RBFOX1: variants seen among roughly 807,000 people sequenced by gnomAD.
The protein encoded by RBFOX1 is RNA binding fox-1 homolog 1.
Under a neutral mutation model 57.7 loss-of-function variants are expected in RBFOX1, and 8 were observed. The observed-to-expected ratio is 0.14, with a 90% CI of 0.08 to 0.25. RBFOX1 has a LOEUF of 0.25. Among genes scored for constraint, RBFOX1 ranks in the 10% least tolerant of loss-of-function variants. RBFOX1 has a pLI of 1.00. For missense variants in RBFOX1, 611 were observed against 548.5 expected (o/e 1.11, Z -1.14); for synonymous variants, 326 against 222.4 (o/e 1.47, Z -4.15).
At chr16:5,655,309 C>A (rs2049389100) in intron 3 of RBFOX1, among the ~76,000 whole-genome samples, 2 of 152,044 alleles carry the variant, frequency 1.3e-5, no homozygotes, top group Non-Finnish European at 2.9e-5. Flanking sequence ...TAGTTTTCAC[C>A]CATTTCATGC....
At chr16:6,859,728 C>G (rs1057226900) in intron 3 of RBFOX1, among the ~76,000 whole-genome samples, 3 of 152,168 alleles carry the variant, frequency 2.0e-5, no homozygotes. Flanking sequence ...AAATGTCTTT[C>G]ACCCTTGATC....
intron 10 of RBFOX1, among the ~76,000 whole-genome samples, chr16:7,610,697 C>T (rs1271329959): frequency 6.6e-6 from 1 of 152,194 alleles, no homozygotes; most frequent in East Asian, 1.9e-4. Context: ...TTTAACACTG[C>T]AGAGCAATTC....
At chr16:6,240,873 A>G (rs1455653503) in intron 1 of RBFOX1, among the ~76,000 whole-genome samples, 1 of 151,946 alleles carries the variant, frequency 6.6e-6, no homozygotes, top group East Asian at 1.9e-4. Flanking sequence ...TTTTCAATTT[A>G]CTTTCTCACC....
At chr16:6,701,618 T>C (rs1437382009) in intron 3 of RBFOX1, among the ~76,000 whole-genome samples, 1 of 152,088 alleles carries the variant, frequency 6.6e-6, no homozygotes, top group African/African-American at 2.4e-5. Flanking sequence ...TGCCAGGCTC[T>C]TTATAAAAAT....
At chr16:5,753,957 A>C (rs1282652354) in intron 3 of RBFOX1, among the ~76,000 whole-genome samples, 2 of 152,018 alleles carry the variant, frequency 1.3e-5, no homozygotes, top group African/African-American at 2.4e-5. Context: ...GGTATTTGGT[A>C]ATTATCTAGC....
chr16:7,670,177 A>T (rs1219685066), intron 13 of RBFOX1, among the ~76,000 whole-genome samples: 13 of 152,100 alleles, frequency 8.5e-5, no homozygotes, highest in Non-Finnish European at 1.6e-4. Context: ...GACTACATGC[A>T]TGCACCACGA....
intron 2 of RBFOX1, among the ~76,000 whole-genome samples, chr16:6,364,094 C>T (rs1424074456): frequency 6.6e-6 from 1 of 152,182 alleles, no homozygotes; most frequent in African/African-American, 2.4e-5. Flanking sequence ...AAAGGTTTAG[C>T]CTACCCCTCT....
At chr16:6,633,334 G>A (rs1331437109) in intron 2 of RBFOX1, among the ~76,000 whole-genome samples, 1 of 152,148 alleles carries the variant, frequency 6.6e-6, no homozygotes, top group Non-Finnish European at 1.5e-5. Flanking sequence ...CTGGAATGCA[G>A]CGGCACGATC....
chr16:5,852,704 C>T (rs1210665087), intron 3 of RBFOX1, among the ~76,000 whole-genome samples: 1 of 152,090 alleles, frequency 6.6e-6, no homozygotes, highest in Non-Finnish European at 1.5e-5. Context: ...GTGGCTCATA[C>T]CCATAATCCC....
intron 5 of RBFOX1, among the ~76,000 whole-genome samples, chr16:7,548,042 G>C (rs2152523083): frequency 6.6e-6 from 1 of 152,326 alleles, no homozygotes; most frequent in African/African-American, 2.4e-5. Context: ...TCTGTAAACA[G>C]AAAATAAGCT....
At chr16:7,119,657 A>G (rs1408780933) in intron 4 of RBFOX1, among the ~76,000 whole-genome samples, 4 of 152,140 alleles carry the variant, frequency 2.6e-5, no homozygotes, top group African/African-American at 9.7e-5. Flanking sequence ...CAAAAAGACA[A>G]AACAATCTTA....
intron 3 of RBFOX1, among the ~76,000 whole-genome samples, chr16:7,003,506 C>G (rs1208915795): frequency 6.6e-6 from 1 of 151,326 alleles, no homozygotes; most frequent in Non-Finnish European, 1.5e-5. Flanking sequence ...GTTTGTGAAG[C>G]CCTGTTAAAT....
At chr16:5,692,366 C>T (rs1314092881) in intron 3 of RBFOX1, among the ~76,000 whole-genome samples, 1 of 152,042 alleles carries the variant, frequency 6.6e-6, no homozygotes, top group African/African-American at 2.4e-5. Context: ...TGGCCAGTAG[C>T]CACCAAGAAA....
intron 4 of RBFOX1, among the ~76,000 whole-genome samples, chr16:7,081,625 C>G (rs1028694995): frequency 1.6e-4 from 25 of 152,132 alleles, no homozygotes; most frequent in Non-Finnish European, 7.4e-5. Flanking sequence ...AATTGATCAT[C>G]TCACTACACC....
chr16:6,890,765 T>A (rs1436028818), intron 3 of RBFOX1, among the ~76,000 whole-genome samples: 1 of 152,208 alleles, frequency 6.6e-6, no homozygotes, highest in Non-Finnish European at 1.5e-5. Context: ...CCTTCTGATT[T>A]AAGCTTTTTT....
intron 3 of RBFOX1, among the ~76,000 whole-genome samples, chr16:6,963,359 G>A (rs1279488892): frequency 2.0e-5 from 3 of 151,842 alleles, no homozygotes. Context: ...GAATGAAATC[G>A]AACCTCTATT....
intron 3 of RBFOX1, among the ~76,000 whole-genome samples, chr16:5,767,684 G>C (rs1394361331): frequency 6.6e-6 from 1 of 152,106 alleles, no homozygotes; most frequent in East Asian, 1.9e-4. Context: ...GCTTTCCAAT[G>C]GACTCCTGAA....
chr16:6,895,614 A>G (rs1045104739), intron 3 of RBFOX1, among the ~76,000 whole-genome samples: 16 of 151,596 alleles, frequency 1.1e-4, no homozygotes, highest in African/African-American at 3.9e-4. Context: ...GGAGGAGAAG[A>G]AAAAAATGGA....
At chr16:6,283,080 C>A (rs13336122) in intron 1 of RBFOX1, among the ~76,000 whole-genome samples, 28,934 of 152,094 alleles carry the variant, frequency 0.19, 3,054 homozygotes, top group African/African-American at 0.26. Context: ...TAATCCCAGC[C>A]CTTGGGGAGG....
Sources: gnomAD v4.1 joint callset for allele counts (sites outside exome capture counted in the v4.1 genomes callset) on GRCh38, gnomAD v4.1.1 for gene constraint, MANE v1.5 for transcripts, NCBI Gene and HGNC (gene_info 2026-07-23, HGNC 2026-07-21) for gene names.